The following ASTN2 variants were observed in gnomAD, a reference collection of about 807,000 sequenced individuals.
The protein encoded by ASTN2 is astrotactin-2.
ASTN2 carries 54 observed loss-of-function variants against 139.8 expected under a neutral mutation model. The ratio of observed to expected loss-of-function variants is 0.39; its 90% CI spans 0.31 to 0.48. The LOEUF is 0.48. ASTN2 is among the 20% of genes least tolerant of loss of function. The pLI is 0.95. For synonymous variants in ASTN2, 756 were observed against 719.5 expected, an observed-to-expected ratio of 1.05 and a Z score of -0.81; for missense variants, 1,565 against 1,725.1, an observed-to-expected ratio of 0.91 and a Z score of 1.64.
chr9:117,260,954 A>G (rs1001546026), intron 2 of ASTN2, among the ~76,000 whole-genome samples: 3 of 152,230 alleles, frequency 2.0e-5, no homozygotes, highest in African/African-American at 7.2e-5. Flanking sequence ...CTCTTTTGTG[A>G]AAGTGTGTAT....
chr9:117,293,681 T>A (rs115552041), intron 1 of ASTN2, among the ~76,000 whole-genome samples: 1,632 of 152,148 alleles, frequency 0.011, 32 homozygotes, highest in African/African-American at 0.037. Context: ...ACTGACCCCC[T>A]CCCAGCCTTA....
chr9:116,500,476 C>A lies in ASTN2; in HGVS notation c.3356-12976G>T, dbSNP rs149984879. Among the ~76,000 whole-genome samples the A allele has an allele frequency of 6.1e-3, 933 of 152,326 alleles. 14 individuals carry two copies. The highest frequency in any genetic ancestry group is 0.021 in the African/African-American group (873 of 41,584). Reference sequence around the variant, plus strand: ...ATCCAGGCTGTGAGCTGAGCCATGACTAATACAGGCTTACAGCCACCCCCT... The same window carrying A: ...ATCCAGGCTGTGAGCTGAGCCATGAATAATACAGGCTTACAGCCACCCCCT... On this transcript the variant is annotated intron_variant, in intron 19 of 22. Transcript: ENST00000313400.
In ASTN2 at chr9:117,414,880, G is replaced by T. The variant is rs867919499; in HGVS notation, c.59C>A (p.Pro20Gln). The T allele has an allele frequency of 1.9e-4, 170 of 909,972 alleles. No homozygotes were observed. The South Asian group carries it at 4.2e-3, about 22-fold the overall frequency. The allele number at this position is 909,972 out of a possible 1,614,324, so 56.4% of individuals were successfully genotyped here. Reference protein sequence around the residue: ...PGPGSGLRGRPRLCFHPGPPP... With the variant: ...PGPGSGLRGRQRLCFHPGPPP... ...CGGCCCCGGGTGGAAGCAGAGCCTC[G>T]GCCGCCCCCGGAGCCCCGAGCCGGG... Residue 20 changes from proline (P) to glutamine (Q), a missense_variant, in exon 1 of 23, where the codon CCG becomes CAG. Around this residue, in one of 4 missense-constraint regions of ASTN2, gnomAD observed 596 missense variants for 576.8 expected, o/e 1.03. Coordinates refer to ENST00000313400, the MANE Select transcript of ASTN2 (RefSeq NM_001365068.1). The surrounding 1 kb of genome is among the most constrained non-coding windows in gnomAD (Gnocchi z 4.2).
chr9:117,198,666 G>A (rs1225084505), intron 3 of ASTN2, among the ~76,000 whole-genome samples: 1 of 152,122 alleles, frequency 6.6e-6, no homozygotes, highest in East Asian at 1.9e-4. Context: ...TAATGAGATT[G>A]CTGGGTCAAA....
At chr9:117,406,857 A>ACACAC (rs1831007579) in intron 1 of ASTN2, among the ~76,000 whole-genome samples, 2 of 144,240 alleles carry the variant, frequency 1.4e-5, no homozygotes, top group Non-Finnish European at 3.1e-5. Context: ...ATTGTCCCCT[A>ACACAC]ACACACACAC....
At chr9:116,649,240 C>T (rs1465680151) in intron 17 of ASTN2, among the ~76,000 whole-genome samples, 1 of 151,910 alleles carries the variant, frequency 6.6e-6, no homozygotes, top group Non-Finnish European at 1.5e-5. Flanking sequence ...TGTAGGTATG[C>T]TTTAACTTAA....
intron 16 of ASTN2, among the ~76,000 whole-genome samples, chr9:116,663,507 A>C (rs566831850): frequency 1.3e-5 from 2 of 152,310 alleles, no homozygotes; most frequent in Middle Eastern, 3.4e-3. Context: ...CTCATGTTAA[A>C]AGACAACCTT....
intron 7 of ASTN2, among the ~76,000 whole-genome samples, chr9:116,986,129 C>T (rs1414135767): frequency 6.6e-6 from 1 of 151,958 alleles, no homozygotes; most frequent in Non-Finnish European, 1.5e-5. Context: ...GCTGCCAGCA[C>T]TGCTGTCCTT....
chr9:117,372,239 C>T (rs1830009571), intron 1 of ASTN2, among the ~76,000 whole-genome samples: 1 of 152,176 alleles, frequency 6.6e-6, no homozygotes, highest in Admixed American at 6.6e-5. Context: ...CCTGCCTCTT[C>T]CTCTCTCTTT....
chr9:117,084,302 G>C (rs1047162998), intron 5 of ASTN2, among the ~76,000 whole-genome samples: 1 of 152,154 alleles, frequency 6.6e-6, no homozygotes. Context: ...TCTCCAGAAA[G>C]CCTGTATAAA....
At chr9:117,243,428 C>G (rs1833274188) in intron 2 of ASTN2, among the ~76,000 whole-genome samples, 2 of 152,224 alleles carry the variant, frequency 1.3e-5, no homozygotes, top group Non-Finnish European at 2.9e-5. Context: ...ACTGCAAGTA[C>G]AGAATCGTTT....
At chr9:117,342,628 A>G (rs1029332519) in intron 1 of ASTN2, among the ~76,000 whole-genome samples, 22 of 152,290 alleles carry the variant, frequency 1.4e-4, no homozygotes, top group African/African-American at 5.1e-4. Flanking sequence ...TTCCTCACCT[A>G]CAAGGTCCTG....
intron 19 of ASTN2, among the ~76,000 whole-genome samples, chr9:116,525,374 G>A (rs968608486): frequency 8.5e-5 from 13 of 152,220 alleles, no homozygotes; most frequent in African/African-American, 2.4e-4. Flanking sequence ...CCAACAGAGC[G>A]TAGGCTGCAG....
chr9:117,315,452 T>G (rs1321522063), intron 1 of ASTN2, among the ~76,000 whole-genome samples: 1 of 152,180 alleles, frequency 6.6e-6, no homozygotes, highest in Non-Finnish European at 1.5e-5. Flanking sequence ...TGGATCATGA[T>G]CAAGGTAATC....
At chr9:116,469,280 TAA>T (rs1704280319) in intron 20 of ASTN2, among the ~76,000 whole-genome samples, 1 of 152,056 alleles carries the variant, frequency 6.6e-6, no homozygotes, top group African/African-American at 2.4e-5. Flanking sequence ...TCCTGGCTGC[TAA>T]AAACTTCCTT....
At chr9:116,740,111 G>T (rs115751864) in intron 13 of ASTN2, among the ~76,000 whole-genome samples, 1 of 152,174 alleles carries the variant, frequency 6.6e-6, no homozygotes, top group Non-Finnish European at 1.5e-5. Context: ...CTAAGAAAGG[G>T]GTTGGTTAAA....
chr9:116,650,735 G>T (rs1857860578), intron 17 of ASTN2, among the ~76,000 whole-genome samples: 1 of 152,124 alleles, frequency 6.6e-6, no homozygotes, highest in Non-Finnish European at 1.5e-5. Context: ...TTTCAGACAG[G>T]TATGGACAAT....
intron 2 of ASTN2, among the ~76,000 whole-genome samples, chr9:117,279,882 C>T (rs573678322): frequency 6.6e-6 from 1 of 152,280 alleles, no homozygotes; most frequent in East Asian, 1.9e-4. Context: ...TTTCTCTCTC[C>T]ATCTTCATAC....
intron 10 of ASTN2, among the ~76,000 whole-genome samples, chr9:116,894,976 G>C (rs1300964310): frequency 6.6e-6 from 1 of 152,148 alleles, no homozygotes; most frequent in Non-Finnish European, 1.5e-5. Flanking sequence ...TTACCTCCCT[G>C]CACATTTATG....
Sources: gnomAD v4.1 joint callset for allele counts (sites outside exome capture counted in the v4.1 genomes callset) on GRCh38, gnomAD v4.1.1 for gene constraint, gnomAD v4.1.1 regional missense constraint, Gnocchi (gnomAD v3.1) non-coding constraint, MANE v1.5 for transcripts, NCBI Gene and HGNC (gene_info 2026-07-23, HGNC 2026-07-21) for gene names.